Variants in RRAGB observed in about 807,000 individuals in gnomAD.
RRAGB encodes the protein Ras related GTP binding B, also known as ras-related GTP-binding protein B.
In RRAGB, 6 loss-of-function variants were observed where a neutral mutation model predicts 29.3. That is an observed-to-expected ratio of 0.21 (90% CI 0.11 to 0.40). RRAGB has a LOEUF of 0.40. RRAGB is among the 10% of genes least tolerant of loss of function. RRAGB has a pLI of 1.00. For missense variants in RRAGB, 184 were observed against 272.9 expected (o/e 0.67, Z 2.29); for synonymous variants, 101 against 92.5 (o/e 1.09, Z -0.53).
At chrX:55,742,549 A>G (rs1384709191) in intron 5 of RRAGB, among the ~76,000 whole-genome samples, 1 of 112,355 alleles carries the variant, frequency 8.9e-6, no homozygotes, top group African/African-American at 3.2e-5. Flanking sequence ...CAGTCAGCAT[A>G]GTAACTTCCT....
chrX:55,756,308 A>C (rs1213624694), intron 8 of RRAGB, among the ~76,000 whole-genome samples: 2 of 112,495 alleles, frequency 1.8e-5, no homozygotes, highest in African/African-American at 6.4e-5. Context: ...TTTGACTTTA[A>C]AATAGTGAGG....
chrX:55,750,050 A>T (rs2034471502), intron 5 of RRAGB, among the ~76,000 whole-genome samples: 1 of 46,455 alleles, frequency 2.2e-5, no homozygotes, highest in Admixed American at 2.6e-4. Context: ...TGATCAATTA[A>T]AAAAAAAAAA....
intron 3 of RRAGB, among the ~76,000 whole-genome samples, chrX:55,728,092 C>T (rs938166280): frequency 9.0e-6 from 1 of 111,019 alleles, no homozygotes; most frequent in Non-Finnish European, 1.9e-5. Flanking sequence ...ACTCAGAGGT[C>T]GCAAACAGGC....
rs1392723469 is a variant in RRAGB at position 55,753,418 on chromosome X, G to A, written c.639G>A (p.Leu213=). 7 of 1,200,718 alleles carry A rather than the reference G, an allele frequency of 5.8e-6. No homozygotes were observed. Among genetic ancestry groups the A allele is most frequent in the Non-Finnish European group, 7.9e-6 (7 of 887,499 alleles). Residue 213 remains leucine, a synonymous_variant, in exon 7 of 10, where the codon CTG becomes CTA. Coordinates refer to ENST00000374941, the MANE Select transcript of RRAGB (RefSeq NM_006064.5). ...CTTGGTCCAGCATAGTTTATCAGCTGATTCCCAATGTTCAGCAGCTGGAAA... is the reference window on the plus strand; with the variant it reads ...CTTGGTCCAGCATAGTTTATCAGCTAATTCCCAATGTTCAGCAGCTGGAAA... ...YKAWSSIVYQ[L]IPNVQQLEMN... is the part of the protein sequence containing the mutation.
rs768966863 is a variant in RRAGB, at chrX:55,731,417, G to A, written c.347G>A (p.Arg116Gln). 25 of 1,209,021 alleles carry A rather than the reference G, an allele frequency of 2.1e-5. No individual in the cohort carries two copies. Among genetic ancestry groups the A allele is most frequent in the South Asian group, 3.5e-5 (2 of 56,671 alleles). The stretch of plus-strand genomic sequence containing the variant: ...ACTAGCCAACGGGACAACATCTTCC[G>A]AAATGTGGAGGTTCTGATTTATGTC... Reference protein sequence around the residue: ...YFTSQRDNIFRNVEVLIYVFD... With the variant: ...YFTSQRDNIFQNVEVLIYVFD... The change falls in exon 5 of 10, where the codon CGA becomes CAA. Residue 116 changes from arginine (R) to glutamine (Q), a missense_variant. Coordinates refer to ENST00000374941, the MANE Select transcript of RRAGB (RefSeq NM_006064.5).
At chrX:55,749,477 G>A (rs1418980314) in intron 5 of RRAGB, among the ~76,000 whole-genome samples, 3 of 109,199 alleles carry the variant, frequency 2.7e-5, no homozygotes, top group Admixed American at 9.5e-5. Flanking sequence ...CTGTCCGGCC[G>A]CCCCTACTGG....
Position 55,725,424 on chromosome X carries a change from T to C in RRAGB, c.226+3139T>C, listed in dbSNP as rs996238761. ...TACCTGCGTTCTATTGCTAAACTTATAGACAAGTTCAAAATGCATATATAG... is the reference window on the plus strand; with the variant it reads ...TACCTGCGTTCTATTGCTAAACTTACAGACAAGTTCAAAATGCATATATAG... On this transcript the variant is annotated intron_variant, in intron 3 of 9. Transcript: ENST00000374941. Among the ~76,000 whole-genome samples, 3 of 112,302 alleles carry C rather than the reference T, an allele frequency of 2.7e-5. No homozygotes were observed. The Admixed American group carries it at 2.8e-4, about 11-fold the overall frequency.
intron 5 of RRAGB, among the ~76,000 whole-genome samples, chrX:55,734,265 GTT>G (rs747609585): frequency 3.0e-5 from 3 of 98,785 alleles, no homozygotes; most frequent in Admixed American, 1.1e-4. Flanking sequence ...GCCCGGCTGG[GTT>G]TTTTTTTTTT....
At chrX:55,728,342 T>C (rs994173789) in intron 3 of RRAGB, among the ~76,000 whole-genome samples, 3 of 111,854 alleles carry the variant, frequency 2.7e-5, no homozygotes, top group African/African-American at 9.7e-5. Flanking sequence ...ACACTCCATA[T>C]GTGGCCAACT....
At chrX:55,741,483 A>C (rs146759005) in intron 5 of RRAGB, among the ~76,000 whole-genome samples, 2,250 of 112,390 alleles carry the variant, frequency 0.02, 58 homozygotes, top group African/African-American at 0.068. Flanking sequence ...CGAGAAATGG[A>C]CATTAAAATG....
chrX:55,750,423 C>G (rs941247092), intron 5 of RRAGB, among the ~76,000 whole-genome samples: 2 of 110,883 alleles, frequency 1.8e-5, no homozygotes, highest in Non-Finnish European at 3.8e-5. Context: ...AAATGACAGG[C>G]TTTTTCTCTT....
intron 5 of RRAGB, among the ~76,000 whole-genome samples, chrX:55,744,447 G>T (rs2034181823): frequency 1.0e-5 from 1 of 97,137 alleles, no homozygotes; most frequent in African/African-American, 3.6e-5. Flanking sequence ...TTCCTTACTT[G>T]TTCATCCAAG....
At chrX:55,732,771 C>T (rs1178301114) in intron 5 of RRAGB, among the ~76,000 whole-genome samples, 1 of 111,475 alleles carries the variant, frequency 9.0e-6, no homozygotes, top group African/African-American at 3.3e-5. Flanking sequence ...AAATCATGTA[C>T]GCAGCTTGGG....
At chrX:55,730,610 A>G (rs2033644784) in intron 4 of RRAGB, among the ~76,000 whole-genome samples, 1 of 112,146 alleles carries the variant, frequency 8.9e-6, no homozygotes, top group African/African-American at 3.2e-5. Context: ...AGCAAAGAGC[A>G]ACATTCTGTT....
At position 55,751,114 on chromosome X, in the gene RRAGB, GAGA is replaced by G. The variant is rs2034511381; in HGVS notation, c.537_539del (p.Glu179del). The G allele has an allele frequency of 4.2e-6, 5 of 1,181,922 alleles. No individual in the cohort carries two copies. The highest frequency in any genetic ancestry group is 1.7e-5 in the African/African-American group (1 of 57,202). Reference sequence around the variant, plus strand: ...TTTTTAATTTAGATTTTTAAAGAGCGAGAAGAAGATTTGAGGCGTTTGTCTCGC... The same window carrying G: ...TTTTTAATTTAGATTTTTAAAGAGCGAGAAGATTTGAGGCGTTTGTCTCGC... On this transcript the variant is annotated inframe_deletion, in exon 6 of 10. Coordinates refer to ENST00000374941, the MANE Select transcript of RRAGB (RefSeq NM_006064.5).
chrX:55,749,186 G>C (rs1169307410), intron 5 of RRAGB, among the ~76,000 whole-genome samples: 1 of 81,955 alleles, frequency 1.2e-5, no homozygotes, highest in Admixed American at 1.4e-4. Flanking sequence ...GGAGGGAAGT[G>C]GGGGGGGTCA....
At chrX:55,730,936 A>G (rs1369450540) in intron 4 of RRAGB, among the ~76,000 whole-genome samples, 3 of 110,609 alleles carry the variant, frequency 2.7e-5, no homozygotes, top group Non-Finnish European at 5.7e-5. Context: ...CTGAAATCTA[A>G]AGAGACAAGC....
At chrX:55,735,412 T>C (rs776660691) in intron 5 of RRAGB, among the ~76,000 whole-genome samples, 30 of 112,429 alleles carry the variant, frequency 2.7e-4, no homozygotes, top group Non-Finnish European at 5.6e-4. Flanking sequence ...ATTTAAAGTC[T>C]GTTTTATCTA....
intron 5 of RRAGB, among the ~76,000 whole-genome samples, chrX:55,742,965 T>C (rs934478489): frequency 1.8e-5 from 2 of 111,550 alleles, no homozygotes; most frequent in Admixed American, 1.9e-4. Context: ...TCTACCTCCT[T>C]GTGGGAGGGT....
Sources: allele counts gnomAD v4.1 joint callset (sites outside exome capture counted in the v4.1 genomes callset), GRCh38; gene constraint gnomAD v4.1.1; transcripts MANE v1.5; gene names NCBI Gene and HGNC (gene_info 2026-07-23, HGNC 2026-07-21).